Variants in NRXN1 observed in about 807,000 individuals in gnomAD.
The protein encoded by NRXN1 is neurexin 1.
NRXN1 carries 39 observed loss-of-function variants against 150.9 expected under a neutral mutation model. The ratio of observed to expected loss-of-function variants is 0.26; its 90% confidence interval spans 0.20 to 0.34. The LOEUF is 0.34. Among genes scored for constraint, NRXN1 ranks in the 10% least tolerant of loss-of-function variants. The pLI is 1.00. For synonymous variants in NRXN1, 924 were observed against 757.0 expected (o/e 1.22, Z -3.62); for missense variants, 1,815 against 1,949.9 (o/e 0.93, Z 1.30).
chr2:50,425,289 A>G (rs897255282), intron 17 of NRXN1, among the ~76,000 whole-genome samples: 4 of 152,192 alleles, frequency 2.6e-5, no homozygotes, highest in Non-Finnish European at 5.9e-5. Flanking sequence ...TTGCCTTTCA[A>G]TCAATGTCTT....
At chr2:50,910,845 T>C (rs1254720392) in intron 5 of NRXN1, among the ~76,000 whole-genome samples, 1 of 152,020 alleles carries the variant, frequency 6.6e-6, no homozygotes. Flanking sequence ...CATTGGATTC[T>C]GCTTCCTCTA....
intron 18 of NRXN1, among the ~76,000 whole-genome samples, chr2:50,213,689 T>C (rs532925592): frequency 6.6e-6 from 1 of 150,846 alleles, no homozygotes; most frequent in East Asian, 2.0e-4. Flanking sequence ...CCTCCTCGAG[T>C]CATTAGCTAG....
At chr2:50,238,069 G>C (rs997846317) in intron 17 of NRXN1, among the ~76,000 whole-genome samples, 1 of 152,050 alleles carries the variant, frequency 6.6e-6, no homozygotes, top group African/African-American at 2.4e-5. Context: ...AGAACTGTGA[G>C]TCAATTAAAC....
At chr2:50,382,025 G>A (rs1158938390) in intron 17 of NRXN1, among the ~76,000 whole-genome samples, 1 of 152,094 alleles carries the variant, frequency 6.6e-6, no homozygotes, top group African/African-American at 2.4e-5. Flanking sequence ...AGTTTCTGAA[G>A]AGGGATTCTG....
chr2:50,456,639 G>C (rs1432051992), intron 17 of NRXN1, among the ~76,000 whole-genome samples: 2 of 151,972 alleles, frequency 1.3e-5, no homozygotes, highest in Admixed American at 1.3e-4. Flanking sequence ...CTTAATGCAA[G>C]CACAATGTTA....
At chr2:50,795,696 C>A (rs909325711) in intron 5 of NRXN1, among the ~76,000 whole-genome samples, 8 of 152,214 alleles carry the variant, frequency 5.3e-5, no homozygotes, top group South Asian at 2.1e-4. Context: ...CAATTCTCCT[C>A]CATGTGGAAC....
intron 2 of NRXN1, among the ~76,000 whole-genome samples, chr2:50,947,990 T>C (rs997553681): frequency 4.6e-5 from 7 of 151,960 alleles, no homozygotes; most frequent in Non-Finnish European, 1.0e-4. Flanking sequence ...CATTTGCTTA[T>C]CTCAAAATAC....
At chr2:50,337,089 T>C (rs1388833132) in intron 17 of NRXN1, among the ~76,000 whole-genome samples, 1 of 150,536 alleles carries the variant, frequency 6.6e-6, no homozygotes, top group East Asian at 1.9e-4. Flanking sequence ...TTTTCTTTTT[T>C]TTTTTTTTTT....
At chr2:50,688,949 C>T (rs1241028932) in intron 5 of NRXN1, among the ~76,000 whole-genome samples, 2 of 152,154 alleles carry the variant, frequency 1.3e-5, no homozygotes, top group East Asian at 3.9e-4. Flanking sequence ...CCTCCGAACA[C>T]ATTTAAGTGG....
chr2:50,410,598 T>C (rs767921560), intron 17 of NRXN1, among the ~76,000 whole-genome samples: 3 of 152,132 alleles, frequency 2.0e-5, no homozygotes, highest in Non-Finnish European at 4.4e-5. Flanking sequence ...AATGAATGAA[T>C]GAACGAAAGT....
chr2:50,051,135 G>T (rs1692648794), intron 21 of NRXN1, among the ~76,000 whole-genome samples: 1 of 151,758 alleles, frequency 6.6e-6, no homozygotes, highest in Non-Finnish European at 1.5e-5. Flanking sequence ...GGCAATTAAG[G>T]AGCAGTTAAC....
At chr2:50,897,980 T>C (rs1682283065) in intron 5 of NRXN1, among the ~76,000 whole-genome samples, 1 of 152,210 alleles carries the variant, frequency 6.6e-6, no homozygotes, top group Admixed American at 6.5e-5. Context: ...ATCACTACAG[T>C]ATATCTTCCA....
intron 8 of NRXN1, among the ~76,000 whole-genome samples, chr2:50,568,036 T>C (rs114253920): frequency 0.013 from 1,971 of 152,176 alleles, 21 homozygotes; most frequent in Middle Eastern, 0.055. Context: ...ACATAGTAAG[T>C]ACCAGAATGA....
chr2:50,635,115 C>G (rs927830363), intron 5 of NRXN1, among the ~76,000 whole-genome samples: 2 of 152,018 alleles, frequency 1.3e-5, no homozygotes, highest in African/African-American at 2.4e-5. Context: ...TTACTGATGC[C>G]TGTGGGCATT....
At chr2:50,409,877 A>G (rs1488263098) in intron 17 of NRXN1, among the ~76,000 whole-genome samples, 1 of 152,034 alleles carries the variant, frequency 6.6e-6, no homozygotes, top group Admixed American at 6.6e-5. Context: ...ATTTTATTAT[A>G]CTCTTCAGTT....
chr2:50,211,585 C>A (rs2063018645), intron 18 of NRXN1, among the ~76,000 whole-genome samples: 1 of 151,294 alleles, frequency 6.6e-6, no homozygotes, highest in Non-Finnish European at 1.5e-5. Flanking sequence ...CAAATATTTT[C>A]ATATATACTG....
intron 5 of NRXN1, among the ~76,000 whole-genome samples, chr2:50,626,552 G>A (rs1445754494): frequency 1.3e-5 from 2 of 151,904 alleles, no homozygotes; most frequent in African/African-American, 2.4e-5. Context: ...AGGTTACTGG[G>A]ACAATCAGTT....
At chr2:49,926,425 G>GT (rs973025756) in intron 22 of NRXN1, 4 of 398,162 alleles carry the variant, frequency 1.0e-5, no homozygotes, top group South Asian at 1.3e-4. Context: ...GAATCTTCTT[G>GT]TTTTTTGTTG....
chr2:50,327,768 G>A (rs924549421), intron 17 of NRXN1, among the ~76,000 whole-genome samples: 6 of 151,816 alleles, frequency 4.0e-5, no homozygotes, highest in Non-Finnish European at 8.8e-5. Context: ...TCCTGCTTCA[G>A]CCTCCTGAGT....
Sources: allele counts gnomAD v4.1 joint callset (sites outside exome capture counted in the v4.1 genomes callset), GRCh38; gene constraint gnomAD v4.1.1; transcripts MANE v1.5; gene names NCBI Gene and HGNC (gene_info 2026-07-23, HGNC 2026-07-21).